Variants in KIF1B observed in about 807,000 individuals in gnomAD.
The protein encoded by KIF1B is kinesin family member 1B.
Under a neutral mutation model 241.9 loss-of-function variants are expected in KIF1B, and 76 were observed. That is an observed-to-expected ratio of 0.31 (90% CI 0.26 to 0.38). KIF1B has a LOEUF of 0.38. KIF1B is among the 10% of genes least tolerant of loss of function. The probability of loss-of-function intolerance (pLI) is 1.00; values close to 1 mark genes in which losing one functional copy is unlikely to be tolerated. For missense variants in KIF1B, 1,622 were observed against 2,271.4 expected (o/e 0.71, Z 5.81); for synonymous variants, 750 against 796.7 (o/e 0.94, Z 0.99).
intron 9 of KIF1B, 96 bp from the exon 10 acceptor site, chr1:10,272,915 AATC>A: frequency 9.9e-7 from 1 of 1,011,084 alleles, no homozygotes; most frequent in South Asian, 1.6e-5. Context: ...GCCTTGGAGA[AATC>A]ATAATCTATG....
intron 1 of KIF1B, among the ~76,000 whole-genome samples, chr1:10,229,239 A>C (rs181810661): frequency 6.6e-6 from 1 of 152,364 alleles, no homozygotes; most frequent in Admixed American, 6.5e-5. Flanking sequence ...GTTTAAAATA[A>C]AATGGCAAAC....
chr1:10,379,495 C>T lies in KIF1B; in HGVS notation c.*2908C>T, dbSNP rs947956102. 2 of 231,918 alleles carry T rather than the reference C, an allele frequency of 8.6e-6. No homozygotes were observed. The highest frequency in any genetic ancestry group is 1.7e-5 in the Non-Finnish European group (2 of 117,182). The allele number at this position is 231,918 out of a possible 1,614,324, so 14.4% of individuals were successfully genotyped here. A position where few individuals can be genotyped will look rare whatever the true frequency, so the allele number is the denominator to read the frequency against. On this transcript the variant is annotated 3_prime_UTR_variant, in exon 49 of 49. Coordinates refer to ENST00000676179, the MANE Select transcript of KIF1B (RefSeq NM_001365951.3). Reference sequence around the variant, plus strand: ...GCTCCCTTGCCCGACAGAACCATCCCCACTGTGAGGCTGTGAGAGATTTGT... The same window carrying T: ...GCTCCCTTGCCCGACAGAACCATCCTCACTGTGAGGCTGTGAGAGATTTGT...
At chr1:10,299,098 A>G in intron 22 of KIF1B, 1 of 151,562 alleles carries the variant, frequency 6.6e-6, no homozygotes, top group Non-Finnish European at 1.5e-5. Flanking sequence ...AACAAAAACC[A>G]CAAAAACAAA....
At chr1:10,285,472 C>T (rs934116006) in intron 15 of KIF1B, among the ~76,000 whole-genome samples, 4 of 152,316 alleles carry the variant, frequency 2.6e-5, no homozygotes, top group East Asian at 1.9e-4. Flanking sequence ...ACTCTCCTTC[C>T]GACTTCCCTA....
rs968103569 is a variant in KIF1B at position 10,282,206 on chromosome 1, C to T, written c.1223-116C>T. ...TGTTTGTATTATAGCGTGTCTTGGT[C>T]TTGGCGCTTTAATGCTGTCCTTTCT... On this transcript the variant is annotated intron_variant, in intron 14 of 48. Coordinates refer to ENST00000676179, the MANE Select transcript of KIF1B (RefSeq NM_001365951.3). The T allele has an allele frequency of 8.8e-6, 7 of 793,370 alleles. No homozygotes were observed. In the African/African-American group the frequency reaches 1.0e-4, roughly 12 times the overall value. The allele number at this position is 793,370 out of a possible 1,614,324, so 49.1% of individuals were successfully genotyped here.
intron 28 of KIF1B, among the ~76,000 whole-genome samples, chr1:10,335,863 ATTTTCCAT>A (rs1006888320): frequency 1.3e-5 from 2 of 151,346 alleles, no homozygotes; most frequent in Non-Finnish European, 2.9e-5. Flanking sequence ...AGATTTTGGT[ATTTTCCAT>A]TTTTCCATGA....
At position 10,290,900 on chromosome 1, in the gene KIF1B, G is replaced by T. The variant is rs190082901; in HGVS notation, c.1435-182G>T. Among the ~76,000 whole-genome samples the T allele has an allele frequency of 6.2e-4, 94 of 151,902 alleles. 1 individual carries two copies. Among genetic ancestry groups the T allele is most frequent in the African/African-American group, 2.2e-3 (90 of 41,460 alleles). On this transcript the variant is annotated intron_variant, in intron 15 of 48. Coordinates refer to ENST00000676179, the MANE Select transcript of KIF1B (RefSeq NM_001365951.3). ...GACTTGGAGGATTTATTTGTTTGGG[G>T]TTGATTTAGTTTTAGGTCTAATCTT...
At chr1:10,361,619 A>G in intron 39 of KIF1B, 73 bp from the exon 40 acceptor site, 1 of 1,588,602 alleles carries the variant, frequency 6.3e-7, no homozygotes, top group Non-Finnish European at 8.6e-7. Context: ...CGCTTTCCAA[A>G]TACGTTCGTG....
chr1:10,221,416 T>C (rs2102102823), intron 1 of KIF1B, among the ~76,000 whole-genome samples: 1 of 152,208 alleles, frequency 6.6e-6, no homozygotes, highest in Admixed American at 6.6e-5. Context: ...TAATATATGA[T>C]TCATTTTGAA....
intron 1 of KIF1B, among the ~76,000 whole-genome samples, chr1:10,229,692 TAA>T (rs796778699): frequency 6.9e-6 from 1 of 144,070 alleles, no homozygotes. Flanking sequence ...CCATCTCTAC[TAA>T]AAAAAAAATA....
In KIF1B at chr1:10,272,998, A is replaced by T; in HGVS notation, c.865-16A>T. 6.5e-7 allele frequency: 1 copy of T among 1,542,876 alleles called. No individual in the cohort carries two copies. The highest frequency in any genetic ancestry group is 2.4e-5 in the East Asian group (1 of 40,832). ...CCTGTGTTCTTATTTTCTCCTTTAA[A>T]TGCTTTCACCTGTAGGATAACTGCA... On this transcript the variant is annotated splice_polypyrimidine_tract_variant and intron_variant, in intron 9 of 48. Transcript: ENST00000676179.
At chr1:10,347,434 A>G (rs146219721) in intron 35 of KIF1B, among the ~76,000 whole-genome samples, 12 of 152,278 alleles carry the variant, frequency 7.9e-5, no homozygotes, top group African/African-American at 2.2e-4. Flanking sequence ...TGCTTTCTGA[A>G]TCTTAAAAAA....
At position 10,367,719 on chromosome 1, in the gene KIF1B, TTTTG is replaced by T. The variant is rs1303004907; in HGVS notation, c.4753-732_4753-729del. Reference sequence around the variant, plus strand: ...CCAGCTCATTTTTTGTAGGTGTTTTTTTTGTTTGTTTGTTTGTTTTTTGGAGAGG... The same window carrying T: ...CCAGCTCATTTTTTGTAGGTGTTTTTTTTGTTTGTTTGTTTTTTGGAGAGG... On this transcript the variant is annotated intron_variant, in intron 43 of 48. Transcript: ENST00000676179. Among the ~76,000 whole-genome samples, 8 of 150,624 alleles carry T rather than the reference TTTTG, an allele frequency of 5.3e-5. No individual in the cohort carries two copies. In the South Asian group the frequency reaches 1.5e-3, roughly 28 times the overall value.
chr1:10,244,731 G>A (rs1358842363), intron 2 of KIF1B, among the ~76,000 whole-genome samples: 1 of 151,884 alleles, frequency 6.6e-6, no homozygotes, highest in East Asian at 1.9e-4. Context: ...TCCTGCCTCG[G>A]CCTCCCGAGT....
In KIF1B at chr1:10,375,255, A is replaced by G; in HGVS notation, c.5290A>G (p.Thr1764Ala). The change falls in exon 48 of 49, where the codon ACA (threonine) becomes GCA (alanine). Residue 1764 changes from threonine to alanine, a missense_variant and splice_region_variant. Physicochemically the swap from Thr to Ala is moderately conservative, Grantham distance 58. Coordinates refer to ENST00000676179, the MANE Select transcript of KIF1B (RefSeq NM_001365951.3). ...YSEDQQAMVK[T>A]PNTFAVCTKH... is the part of the protein sequence containing the mutation. ...TTGTCTACCTGCATTTTTCTTTCAG[A>G]CACCAAACACCTTTGCTGTCTGCAC... 2 of 1,613,428 alleles carry G rather than the reference A, an allele frequency of 1.2e-6. No homozygotes were observed. Among genetic ancestry groups the G allele is most frequent in the African/African-American group, 2.7e-5 (2 of 75,020 alleles).
At chr1:10,295,565 CG>C (rs1437506274) in intron 18 of KIF1B, 94 bp from the exon 19 acceptor site, 37 of 1,127,488 alleles carry the variant, frequency 3.3e-5, no homozygotes, top group Non-Finnish European at 4.8e-5. Flanking sequence ...CTTTTTTGTA[CG>C]TACCAAAGGA....
At chr1:10,358,506 T>G (rs1638320743) in intron 38 of KIF1B, among the ~76,000 whole-genome samples, 1 of 152,072 alleles carries the variant, frequency 6.6e-6, no homozygotes, top group Non-Finnish European at 1.5e-5. Flanking sequence ...GCCTCTGAAA[T>G]GGGACAAATA....
chr1:10,375,602 C>A (rs1170230203), intron 48 of KIF1B, among the ~76,000 whole-genome samples: 1 of 152,000 alleles, frequency 6.6e-6, no homozygotes, highest in Non-Finnish European at 1.5e-5. Context: ...CCAGGCTGGT[C>A]TCAAACTCCT....
chr1:10,378,951 T>C lies in KIF1B; in HGVS notation c.*2364T>C. 1 of 233,416 alleles carries C rather than the reference T, an allele frequency of 4.3e-6. No homozygotes were observed. Among genetic ancestry groups the C allele is most frequent in the Admixed American group, 5.6e-5 (1 of 17,952 alleles). 14.5% of individuals were successfully genotyped at this position (233,416 alleles called of 1,614,324 possible). A position where few individuals can be genotyped will look rare whatever the true frequency, so the allele number is the denominator to read the frequency against. On this transcript the variant is annotated 3_prime_UTR_variant, in exon 49 of 49. Transcript: ENST00000676179. ...TGTTATTTGTTTTCTAAGTGGTATGTGAGATTTTCTAATGTAGTTAGAAGT... is the reference window on the plus strand; with the variant it reads ...TGTTATTTGTTTTCTAAGTGGTATGCGAGATTTTCTAATGTAGTTAGAAGT...
Sources: allele counts gnomAD v4.1 joint callset (sites outside exome capture counted in the v4.1 genomes callset), GRCh38; gene constraint gnomAD v4.1.1; transcripts MANE v1.5; gene names NCBI Gene and HGNC (gene_info 2026-07-23, HGNC 2026-07-21).